The following SPEN variants were observed in gnomAD, a reference collection of about 807,000 sequenced individuals.
The protein encoded by SPEN is msx2-interacting protein.
A neutral mutation model predicts 269.9 loss-of-function variants in SPEN; 18 were observed. That is an observed-to-expected ratio of 0.07 (90% CI 0.05 to 0.10). The LOEUF (loss-of-function observed/expected upper bound fraction) is 0.10. Among genes scored for constraint, SPEN ranks in the 10% least tolerant of loss-of-function variants. The pLI is 1.00. For missense variants in SPEN, 3,822 were observed against 4,631.2 expected (o/e 0.83, Z 5.07); for synonymous variants, 1,726 against 1,765.7 (o/e 0.98, Z 0.56).
intron 3 of SPEN, among the ~76,000 whole-genome samples, chr1:15,881,879 C>A (rs1396927835): frequency 6.6e-6 from 1 of 152,110 alleles, no homozygotes; most frequent in Admixed American, 6.5e-5. Context: ...CCTGAAAGTC[C>A]TTTAAAGATG....
intron 3 of SPEN, among the ~76,000 whole-genome samples, chr1:15,890,712 C>T (rs77580284): frequency 0.035 from 5,293 of 152,072 alleles, 296 homozygotes; most frequent in African/African-American, 0.12. Context: ...GCAACCATCA[C>T]CATAATGAAA....
intron 1 of SPEN, among the ~76,000 whole-genome samples, chr1:15,866,775 A>G (rs1224217338): frequency 6.6e-6 from 1 of 152,228 alleles, no homozygotes; most frequent in African/African-American, 2.4e-5. Context: ...TTTGACTATC[A>G]TCAGCACCTC....
chr1:15,934,918 A>C lies in SPEN; in HGVS notation c.8678A>C (p.Tyr2893Ser). 6.2e-7 allele frequency: 1 copy of C among 1,614,058 alleles called. No homozygotes were observed. Among genetic ancestry groups the C allele is most frequent in the Non-Finnish European group, 8.5e-7 (1 of 1,180,010 alleles). Residue 2893 changes from tyrosine to serine, a missense_variant, in exon 11 of 15, where the codon TAT (tyrosine) becomes TCT (serine). Tyr to Ser is a moderately radical substitution (Grantham distance 144). This residue lies in a region of SPEN where 329 missense variants were observed against 431.2 expected (regional missense o/e 0.76). Transcript: ENST00000375759. The surrounding 1 kb of genome is among the most constrained non-coding windows in gnomAD (Gnocchi z 9.2). The part of the protein sequence containing the change: ...HSTLVLTAQT[Y>S]NASPVISSVK... ...ACGTTGGTACTGACCGCCCAGACAT[A>C]TAATGCCTCTCCTGTGATTTCGTCT... is the stretch of plus-strand genomic sequence containing the variant.
At chr1:15,865,159 C>T (rs2070491383) in intron 1 of SPEN, among the ~76,000 whole-genome samples, 1 of 151,850 alleles carries the variant, frequency 6.6e-6, no homozygotes, top group Non-Finnish European at 1.5e-5. Context: ...TCAAGCAATT[C>T]TCTTGCCTCA....
intron 10 of SPEN, among the ~76,000 whole-genome samples, chr1:15,926,817 C>T (rs937985995): frequency 1.3e-5 from 2 of 151,984 alleles, no homozygotes; most frequent in Non-Finnish European, 2.9e-5. Context: ...CTCAGCCTCC[C>T]GAGTACCTGG....
intron 3 of SPEN, among the ~76,000 whole-genome samples, chr1:15,907,865 A>C (rs962492669): frequency 7.9e-5 from 12 of 152,356 alleles, no homozygotes; most frequent in Non-Finnish European, 1.5e-4. Flanking sequence ...ATGAACTTGC[A>C]TAGAGAAGTA....
intron 3 of SPEN, among the ~76,000 whole-genome samples, chr1:15,883,747 A>G (rs1467068616): frequency 6.6e-6 from 1 of 150,912 alleles, no homozygotes; most frequent in Non-Finnish European, 1.5e-5. Context: ...TGAGTAAAGT[A>G]TATCAAAAGT....
At chr1:15,915,482 C>G (rs931813222) in intron 5 of SPEN, among the ~76,000 whole-genome samples, 1 of 152,224 alleles carries the variant, frequency 6.6e-6, no homozygotes, top group Non-Finnish European at 1.5e-5. Context: ...GAGCGAGACT[C>G]TGTCCCAAAA....
In SPEN at chr1:15,937,185, C is replaced by T. The variant is rs759376315; in HGVS notation, c.10049C>T (p.Pro3350Leu). ...AAQGPPPEGE[P>L]LQPPQPVQST... ...CAGGGCCCTCCTCCTGAAGGTGAGC[C>T]CCTGCAGCCTCCTCAGCCTGTGCAG... is the stretch of plus-strand genomic sequence containing the variant. The change falls in exon 12 of 15, where the codon CCC becomes CTC. Residue 3350 changes from proline to leucine, a missense_variant. This residue lies in a region of SPEN where 359 missense variants were observed against 377.3 expected (regional missense o/e 0.95). Coordinates refer to ENST00000375759, the MANE Select transcript of SPEN (RefSeq NM_015001.3). The surrounding 1 kb of genome is among the most constrained non-coding windows in gnomAD (Gnocchi z 5.7). 5 of 1,612,602 alleles carry T rather than the reference C, an allele frequency of 3.1e-6. No individual in the cohort carries two copies. Among genetic ancestry groups the T allele is most frequent in the African/African-American group, 1.3e-5 (1 of 74,794 alleles).
At chr1:15,849,725 TCCA>T (rs748752960) in intron 1 of SPEN, among the ~76,000 whole-genome samples, 8 of 152,058 alleles carry the variant, frequency 5.3e-5, no homozygotes, top group Non-Finnish European at 1.0e-4. Context: ...CTGGCGCTGC[TCCA>T]CCCCTTACCC....
Position 15,933,892 on chromosome 1 carries a change from C to T in SPEN, c.7652C>T (p.Ser2551Phe). 1 of 1,614,014 alleles carries T rather than the reference C, an allele frequency of 6.2e-7. No homozygotes were observed. Among genetic ancestry groups the T allele is most frequent in the Non-Finnish European group, 8.5e-7 (1 of 1,180,034 alleles). The change falls in exon 11 of 15, where the codon TCC becomes TTC. Residue 2551 changes from serine (S) to phenylalanine (F), a missense_variant. Coordinates refer to ENST00000375759, the MANE Select transcript of SPEN (RefSeq NM_015001.3). The surrounding 1 kb of genome is among the most constrained non-coding windows in gnomAD (Gnocchi z 5.7). ...TATGTGTCTGCCACAAGTGTCACTTCCACAAGTGTCACCACAGCCATTGCA... is the reference window on the plus strand; with the variant it reads ...TATGTGTCTGCCACAAGTGTCACTTTCACAAGTGTCACCACAGCCATTGCA... Reference protein sequence around the residue: ...PKYVSATSVTSTSVTTAIAEP... With the variant: ...PKYVSATSVTFTSVTTAIAEP...
intron 3 of SPEN, among the ~76,000 whole-genome samples, chr1:15,882,381 G>T (rs1472380900): frequency 6.6e-6 from 1 of 152,112 alleles, no homozygotes; most frequent in Non-Finnish European, 1.5e-5. Context: ...TTTCCTTTAG[G>T]CCAGGTGCAG....
At chr1:15,927,257 C>A (rs190601536) in intron 10 of SPEN, among the ~76,000 whole-genome samples, 13 of 152,318 alleles carry the variant, frequency 8.5e-5, no homozygotes, top group African/African-American at 3.1e-4. Flanking sequence ...TGCTTGCAGT[C>A]ATCCCTGGTT....
At position 15,847,963 on chromosome 1, in the gene SPEN, A is replaced by AGCCGCC. The variant is rs892124796; in HGVS notation, c.-92_-87dup. 17 of 600,216 alleles carry AGCCGCC rather than the reference A, an allele frequency of 2.8e-5. No homozygotes were observed. Among genetic ancestry groups the AGCCGCC allele is most frequent in the African/African-American group, 5.9e-5 (3 of 50,742 alleles). 37.2% of individuals were successfully genotyped at this position (600,216 alleles called of 1,614,324 possible). On this transcript the variant is annotated 5_prime_UTR_variant, in exon 1 of 15. Coordinates refer to ENST00000375759, the MANE Select transcript of SPEN (RefSeq NM_015001.3). ...CCGCCGCTGCCGACGCCACCGCCGC[A>AGCCGCC]GCCGCCGCCGCCGCCGCCCCGGCAC...
intron 3 of SPEN, among the ~76,000 whole-genome samples, chr1:15,886,619 A>G (rs952895545): frequency 1.3e-5 from 2 of 152,164 alleles, no homozygotes; most frequent in Admixed American, 1.3e-4. Flanking sequence ...TACAAACTCT[A>G]TTTTTAATAC....
chr1:15,879,145 C>G (rs1368677616), intron 3 of SPEN, among the ~76,000 whole-genome samples: 1 of 151,736 alleles, frequency 6.6e-6, no homozygotes, highest in Non-Finnish European at 1.5e-5. Flanking sequence ...GAGTTCGAGA[C>G]CAGCCTGGTC....
intron 3 of SPEN, among the ~76,000 whole-genome samples, chr1:15,887,929 G>A (rs2070752174): frequency 6.6e-6 from 1 of 151,292 alleles, no homozygotes; most frequent in Admixed American, 6.6e-5. Flanking sequence ...TCGGGAGGCG[G>A]AGGCAGGAGA....
chr1:15,891,403 G>T (rs1053796198), intron 3 of SPEN, among the ~76,000 whole-genome samples: 9 of 150,692 alleles, frequency 6.0e-5, no homozygotes, highest in African/African-American at 2.2e-4. Context: ...CCAGGCTGGA[G>T]TGTAATGGCA....
At chr1:15,910,121 C>A (rs2070998373) in intron 4 of SPEN, among the ~76,000 whole-genome samples, 1 of 89,360 alleles carries the variant, frequency 1.1e-5, no homozygotes, top group African/African-American at 5.3e-5. Context: ...GAGACTCTGT[C>A]TCTAAAAAAA....
Sources: allele counts gnomAD v4.1 joint callset (sites outside exome capture counted in the v4.1 genomes callset), GRCh38; gene constraint gnomAD v4.1.1; regional missense constraint gnomAD v4.1.1; non-coding constraint Gnocchi (gnomAD v3.1); transcripts MANE v1.5; gene names NCBI Gene and HGNC (gene_info 2026-07-23, HGNC 2026-07-21).